The following ZFHX3 variants were observed in gnomAD, a reference collection of about 807,000 sequenced individuals.
The protein encoded by ZFHX3 is zinc finger homeobox 3, also known as zinc finger homeobox protein 3.
ZFHX3 carries 42 observed loss-of-function variants against 279.1 expected under a neutral mutation model. The ratio of observed to expected loss-of-function variants is 0.15; its 90% CI spans 0.12 to 0.19. The LOEUF is 0.19. Ranked by LOEUF, ZFHX3 falls within the 10% of genes least tolerant of loss-of-function variation. The pLI is 1.00. For synonymous variants in ZFHX3, 2,293 were observed against 1,957.8 expected (o/e 1.17, Z -4.52); for missense variants, 4,981 against 4,754.0 (o/e 1.05, Z -1.40).
rs1421102689 is a variant in ZFHX3 at position 73,809,274 on chromosome 16, CT to C, written c.-1608+82376del. The stretch of plus-strand genomic sequence containing the variant: ...TCATCAAAGCTGTAATGCAAGTCAG[CT>C]GCACCGGGCAAATGCAGCATACGGT... On this transcript the variant is annotated intron_variant, in intron 1 of 17. Transcript: ENST00000641206. The C allele has an allele frequency of 7.2e-5, 11 of 152,350 alleles. No homozygotes were observed. In the East Asian group the frequency reaches 1.9e-3, roughly 27 times the overall value. 9.4% of individuals were successfully genotyped at this position (152,350 alleles called of 1,614,324 possible).
At chr16:72,922,266 T>C (rs1375645511) in intron 3 of ZFHX3, among the ~76,000 whole-genome samples, 1 of 152,138 alleles carries the variant, frequency 6.6e-6, no homozygotes, top group Admixed American at 6.5e-5. Context: ...AACTCGCCCC[T>C]CTGGTTTGGT....
chr16:73,417,319 C>G (rs1307089354), intron 3 of ZFHX3, among the ~76,000 whole-genome samples: 1 of 151,832 alleles, frequency 6.6e-6, no homozygotes, highest in Non-Finnish European at 1.5e-5. Flanking sequence ...AGTGAAAACA[C>G]CGGTGAAATC....
intron 2 of ZFHX3, among the ~76,000 whole-genome samples, chr16:73,597,993 G>T (rs1356727461): frequency 6.6e-6 from 1 of 152,130 alleles, no homozygotes; most frequent in East Asian, 1.9e-4. Flanking sequence ...ATGACTGTAG[G>T]GATTTGGGAT....
chr16:73,084,522 T>A lies in ZFHX3; in HGVS notation c.-533+8713A>T, dbSNP rs899371812. On this transcript the variant is annotated intron_variant, in intron 8 of 17. Coordinates refer to the ZFHX3 transcript ENST00000641206. ...AAAATACCTAGGACTAAATTTTTTT[T>A]TTTTTTTTTTTTTTTTGAGATGGAG... 2.8e-5 allele frequency among the ~76,000 whole-genome samples: 4 copies of A among 143,854 alleles called. No homozygotes were observed. The East Asian group carries it at 6.0e-4, about 22-fold the overall frequency. 94.4% of individuals were successfully genotyped at this position (143,854 alleles called of 152,430 possible). A position where few individuals can be genotyped will look rare whatever the true frequency, so the allele number is the denominator to read the frequency against.
intron 7 of ZFHX3, among the ~76,000 whole-genome samples, chr16:72,810,548 T>C (rs1221024988): frequency 6.6e-6 from 1 of 152,260 alleles, no homozygotes; most frequent in African/African-American, 2.4e-5. Context: ...TCACTGGCAC[T>C]ATTTTGAAAA....
At chr16:73,004,817 C>T (rs1422102469) in intron 1 of ZFHX3, among the ~76,000 whole-genome samples, 1 of 152,202 alleles carries the variant, frequency 6.6e-6, no homozygotes, top group Non-Finnish European at 1.5e-5. Flanking sequence ...TAATATTCCT[C>T]ACTGCCCTAT....
intron 1 of ZFHX3, among the ~76,000 whole-genome samples, chr16:73,753,607 G>C (rs1426483839): frequency 6.6e-6 from 1 of 152,156 alleles, no homozygotes; most frequent in Non-Finnish European, 1.5e-5. Flanking sequence ...GCCCTGCTCA[G>C]CAAGGTAGCA....
intron 1 of ZFHX3, among the ~76,000 whole-genome samples, chr16:73,834,907 T>TA (rs1961096759): frequency 6.6e-6 from 1 of 151,566 alleles, no homozygotes; most frequent in Admixed American, 6.6e-5. Flanking sequence ...AAGAAGCGTC[T>TA]CCCCCCGTGG....
intron 1 of ZFHX3, among the ~76,000 whole-genome samples, chr16:73,784,818 C>T (rs113038692): frequency 0.042 from 5,565 of 132,460 alleles, 164 homozygotes; most frequent in East Asian, 0.11. Context: ...TATATATATA[C>T]ACACACACAC....
intron 4 of ZFHX3, among the ~76,000 whole-genome samples, chr16:72,876,738 AT>A (rs201217527): frequency 7.2e-5 from 11 of 152,090 alleles, no homozygotes; most frequent in South Asian, 2.1e-4. Context: ...CTGCTTTTCA[AT>A]TTTTTTCCCC....
intron 4 of ZFHX3, among the ~76,000 whole-genome samples, chr16:73,259,671 G>C (rs1037277352): frequency 1.3e-5 from 2 of 152,050 alleles, no homozygotes; most frequent in South Asian, 4.1e-4. Flanking sequence ...TTCTTTGAAC[G>C]TAAAAAAATA....
At chr16:73,405,171 C>A (rs574761239) in intron 3 of ZFHX3, among the ~76,000 whole-genome samples, 2 of 152,036 alleles carry the variant, frequency 1.3e-5, no homozygotes, top group Admixed American at 1.3e-4. Flanking sequence ...CGACCAAAGC[C>A]GGAAAGGAAA....
At chr16:72,858,987 T>G (rs562909155) in intron 4 of ZFHX3, among the ~76,000 whole-genome samples, 119 of 152,298 alleles carry the variant, frequency 7.8e-4, no homozygotes, top group African/African-American at 2.7e-3. Flanking sequence ...CCTGAGTTCC[T>G]CAAGCTGACA....
chr16:72,798,608 T>C lies in ZFHX3; in HGVS notation c.4074A>G (p.Ser1358=), dbSNP rs2143469380. The change falls in exon 9 of 10, where the codon TCA becomes TCG. Residue 1358 remains serine (S), a synonymous_variant. Transcript: ENST00000268489. ...ACCCCTTCTTCCAGCAGATGAAGCC[T>C]GAGTCTTCTCTCACAGAGCCTGGGT... ...PADPGSVRED[S]GFICWKKGCN... is the part of the protein sequence containing the mutation. The C allele has an allele frequency of 1.9e-6, 3 of 1,614,158 alleles. No individual in the cohort carries two copies. Among genetic ancestry groups the C allele is most frequent in the Non-Finnish European group, 2.5e-6 (3 of 1,180,026 alleles).
intron 4 of ZFHX3, among the ~76,000 whole-genome samples, chr16:72,835,373 G>GA (rs1441518335): frequency 6.6e-6 from 1 of 151,862 alleles, no homozygotes; most frequent in Non-Finnish European, 1.5e-5. Context: ...GTATAACCCA[G>GA]AAAAATGTAT....
intron 1 of ZFHX3, among the ~76,000 whole-genome samples, chr16:73,812,818 A>G (rs1960460800): frequency 6.6e-6 from 1 of 152,218 alleles, no homozygotes; most frequent in Non-Finnish European, 1.5e-5. Context: ...ACTGGGCACA[A>G]AGGTGACAGA....
chr16:73,298,609 G>A (rs2014981205), intron 4 of ZFHX3, among the ~76,000 whole-genome samples: 1 of 150,716 alleles, frequency 6.6e-6, no homozygotes, highest in Non-Finnish European at 1.5e-5. Context: ...TTAGACTTCT[G>A]GGCCTTACCA....
At chr16:73,075,473 A>G (rs1479444421) in intron 8 of ZFHX3, among the ~76,000 whole-genome samples, 4 of 152,160 alleles carry the variant, frequency 2.6e-5, no homozygotes, top group African/African-American at 9.7e-5. Context: ...TCTCTCTCTC[A>G]TGGCAAATCA....
At chr16:73,851,387 G>C (rs914561195) in intron 1 of ZFHX3, among the ~76,000 whole-genome samples, 11 of 152,212 alleles carry the variant, frequency 7.2e-5, no homozygotes, top group African/African-American at 2.7e-4. Flanking sequence ...TCTTTGTTGA[G>C]ACGATTGTCA....
Sources: gnomAD v4.1 joint callset for allele counts (sites outside exome capture counted in the v4.1 genomes callset) on GRCh38, gnomAD v4.1.1 for gene constraint, MANE v1.5 for transcripts, NCBI Gene and HGNC (gene_info 2026-07-23, HGNC 2026-07-21) for gene names.